The following SSBP3 variants were observed in gnomAD, a reference collection of about 807,000 sequenced individuals.
SSBP3 encodes single-stranded DNA-binding protein 3.
SSBP3 carries 5 observed loss-of-function variants against 69.6 expected under a neutral mutation model. That is an observed-to-expected ratio of 0.07 (90% CI 0.04 to 0.15). The LOEUF (loss-of-function observed/expected upper bound fraction) is 0.15, where lower values mean the gene tolerates loss of function less well. Among genes scored for constraint, SSBP3 ranks in the 10% least tolerant of loss-of-function variants. The probability of loss-of-function intolerance (pLI) is 1.00; values close to 1 mark genes in which losing one functional copy is unlikely to be tolerated. For missense variants in SSBP3, 312 were observed against 534.0 expected, an observed-to-expected ratio of 0.58 and a Z score of 4.10; for synonymous variants, 196 against 193.4, an observed-to-expected ratio of 1.01 and a Z score of -0.11.
chr1:54,338,940 T>C (rs1380470035), intron 4 of SSBP3, among the ~76,000 whole-genome samples: 1 of 152,294 alleles, frequency 6.6e-6, no homozygotes. Flanking sequence ...AATCCCCAAA[T>C]AGGATGCACG....
At position 54,396,193 on chromosome 1, in the gene SSBP3, G is replaced by GAA. The variant is rs59276509; in HGVS notation, c.276+5666_276+5667dup. On this transcript the variant is annotated intron_variant, in intron 4 of 17. Coordinates refer to ENST00000610401, the Ensembl canonical transcript of SSBP3. ...GGTGACAGAGTGAGACTCCATCTCA[G>GAA]AAAAAAAAAAAAAAAAAAAAAAAAA... Among the ~76,000 whole-genome samples, 68 of 40,558 alleles carry GAA rather than the reference G, an allele frequency of 1.7e-3. 4 individuals carry two copies. The highest frequency in any genetic ancestry group is 2.5e-3 in the African/African-American group (26 of 10,406). The allele number at this position is 40,558 out of a possible 152,430, so 26.6% of individuals were successfully genotyped here. A position where few individuals can be genotyped will look rare whatever the true frequency, so the allele number is the denominator to read the frequency against.
At chr1:54,352,354 T>C (rs971736783) in intron 4 of SSBP3, among the ~76,000 whole-genome samples, 1 of 152,182 alleles carries the variant, frequency 6.6e-6, no homozygotes, top group African/African-American at 2.4e-5. Context: ...TAAGTGGCAA[T>C]CTCCAGAGAG....
At chr1:54,256,443 G>A (rs1199917800) in intron 7 of SSBP3, among the ~76,000 whole-genome samples, 1 of 152,148 alleles carries the variant, frequency 6.6e-6, no homozygotes, top group East Asian at 1.9e-4. Flanking sequence ...CAGGGAGGGT[G>A]GCATGGGGTC....
intron 3 of SSBP3, among the ~76,000 whole-genome samples, chr1:54,402,349 C>A (rs1208556847): frequency 6.6e-6 from 1 of 152,184 alleles, no homozygotes; most frequent in Non-Finnish European, 1.5e-5. Context: ...CTGTTCTAAT[C>A]TGTTTCCTTT....
intron 4 of SSBP3, among the ~76,000 whole-genome samples, chr1:54,382,252 T>C (rs547732182): frequency 5.5e-4 from 84 of 152,308 alleles, no homozygotes; most frequent in African/African-American, 2.0e-3. Context: ...TTATTTCTTA[T>C]TTTTTACAGA....
chr1:54,250,386 T>A (rs1163673559), intron 9 of SSBP3, among the ~76,000 whole-genome samples: 1 of 151,732 alleles, frequency 6.6e-6, no homozygotes, highest in East Asian at 1.9e-4. Flanking sequence ...AATACAATTC[T>A]GGGATGGAGC....
At chr1:54,277,475 ACC>A (rs1645310427) in intron 5 of SSBP3, among the ~76,000 whole-genome samples, 1 of 152,144 alleles carries the variant, frequency 6.6e-6, no homozygotes, top group Non-Finnish European at 1.5e-5. Context: ...GTGGAAGAGC[ACC>A]CCATGAGGAA....
exon 1 of SSBP3, chr1:54,406,242 C>A (rs1238156075): frequency 8.0e-6 from 3 of 373,386 alleles, no homozygotes; most frequent in Non-Finnish European, 1.4e-5. Context: ...CCCTGGAACT[C>A]CTTCCGCGCC....
At chr1:54,323,227 C>A (rs1646245643) in intron 4 of SSBP3, among the ~76,000 whole-genome samples, 1 of 152,142 alleles carries the variant, frequency 6.6e-6, no homozygotes, top group Non-Finnish European at 1.5e-5. Flanking sequence ...AAAATTTAAG[C>A]CCCCAAATTC....
chr1:54,366,868 T>C (rs2100657038), intron 4 of SSBP3, among the ~76,000 whole-genome samples: 1 of 152,310 alleles, frequency 6.6e-6, no homozygotes, highest in South Asian at 2.1e-4. Context: ...ACCGAAAGCT[T>C]GGTAAGAAGT....
At chr1:54,281,483 G>C (rs1645391254) in exon 5 of SSBP3, 1 of 1,570,802 alleles carries the variant, frequency 6.4e-7, no homozygotes, top group Non-Finnish European at 8.6e-7. Context: ...TCCCATCGTT[G>C]GGGGGAATGT....
chr1:54,240,107 T>TGTGCGCGCGCGCGTGTGCGTGC (rs1553123256), intron 13 of SSBP3, among the ~76,000 whole-genome samples: 1 of 134,574 alleles, frequency 7.4e-6, no homozygotes. Context: ...CGCGTGTGCG[T>TGTGCGCGCGCGCGTGTGCGTGC]GCGCGCGCGC....
Position 54,228,377 on chromosome 1 carries a change from G to A in SSBP3, c.1036-21C>T. Reference sequence around the variant, plus strand: ...GAATTCTGTGGAAAGAGGAGAGGAGGTGAGCACCTGTGTCCCCAACAACCT... The same window carrying A: ...GAATTCTGTGGAAAGAGGAGAGGAGATGAGCACCTGTGTCCCCAACAACCT... On this transcript the variant is annotated intron_variant, in intron 16 of 17. Coordinates refer to ENST00000610401, the Ensembl canonical transcript of SSBP3. 5 of 1,596,514 alleles carry A rather than the reference G, an allele frequency of 3.1e-6. No homozygotes were observed. In the South Asian group the frequency reaches 4.4e-5, roughly 14 times the overall value.
At chr1:54,310,873 G>T (rs1377736020) in intron 4 of SSBP3, among the ~76,000 whole-genome samples, 1 of 152,250 alleles carries the variant, frequency 6.6e-6, no homozygotes, top group Non-Finnish European at 1.5e-5. Flanking sequence ...GAGCTGAGCT[G>T]ACTCACTGGG....
At chr1:54,307,162 G>A (rs1323441587) in intron 4 of SSBP3, among the ~76,000 whole-genome samples, 1 of 152,118 alleles carries the variant, frequency 6.6e-6, no homozygotes, top group African/African-American at 2.4e-5. Flanking sequence ...AGAGCCCAGG[G>A]CCCAGGGCCT....
At chr1:54,329,692 T>TC (rs1257561737) in intron 4 of SSBP3, among the ~76,000 whole-genome samples, 4 of 152,184 alleles carry the variant, frequency 2.6e-5, no homozygotes, top group African/African-American at 9.7e-5. Context: ...CATCAACTGT[T>TC]CCAAGTTACA....
chr1:54,235,794 A>T (rs1420371991), intron 14 of SSBP3, among the ~76,000 whole-genome samples: 1 of 152,192 alleles, frequency 6.6e-6, no homozygotes, highest in East Asian at 1.9e-4. Flanking sequence ...GGATGTTATA[A>T]ATTAAAATTG....
chr1:54,323,394 G>A (rs1374576457), intron 4 of SSBP3, among the ~76,000 whole-genome samples: 1 of 152,186 alleles, frequency 6.6e-6, no homozygotes, highest in East Asian at 1.9e-4. Context: ...CCAGCAGGTG[G>A]GGCTGGGAGT....
At chr1:54,365,350 G>C (rs1002638893) in intron 4 of SSBP3, among the ~76,000 whole-genome samples, 1 of 132,590 alleles carries the variant, frequency 7.5e-6, no homozygotes, top group South Asian at 2.3e-4. Context: ...AAAGGTGTGC[G>C]TGTGTGTGTG....
Sources: gnomAD v4.1 joint callset for allele counts (sites outside exome capture counted in the v4.1 genomes callset) on GRCh38, gnomAD v4.1.1 for gene constraint, MANE v1.5 for transcripts, NCBI Gene and HGNC (gene_info 2026-07-23, HGNC 2026-07-21) for gene names.